Variants in SYNE2 observed in about 807,000 individuals in gnomAD.
SYNE2 encodes the protein spectrin repeat containing nuclear envelope protein 2.
SYNE2 carries 431 observed loss-of-function variants against 856.3 expected under a neutral mutation model. The ratio of observed to expected loss-of-function variants is 0.50; its 90% CI spans 0.47 to 0.55. SYNE2 has a LOEUF of 0.55. SYNE2 is among the 20% of genes least tolerant of loss of function. SYNE2 has a pLI of 0.00. For synonymous variants in SYNE2, 2,923 were observed against 2,872.3 expected, an observed-to-expected ratio of 1.02 and a Z score of -0.56; for missense variants, 8,129 against 8,023.2, an observed-to-expected ratio of 1.01 and a Z score of -0.50.
intron 1 of SYNE2, among the ~76,000 whole-genome samples, chr14:63,817,342 C>A (rs1376799421): frequency 2.0e-5 from 3 of 151,996 alleles, no homozygotes; most frequent in Non-Finnish European, 4.4e-5. Flanking sequence ...TGGCATGTGC[C>A]TGTAGTCCTG....
chr14:64,163,500 GCTC>G lies in SYNE2; in HGVS notation c.16403_16405del (p.Leu5468del), dbSNP rs755998480. On this transcript the variant is annotated inframe_deletion, in exon 89 of 116. Coordinates refer to ENST00000555002, the MANE Select transcript of SYNE2 (RefSeq NM_182914.3). The stretch of plus-strand genomic sequence containing the variant: ...AACCCGCAGAGTCCAGCACCCACAT[GCTC>G]CTCCCGGGCCCCCTGCACTCTCTCC... 4 of 1,614,160 alleles carry G rather than the reference GCTC, an allele frequency of 2.5e-6. No individual in the cohort carries two copies. The Admixed American group carries it at 6.7e-5, about 27-fold the overall frequency.
intron 1 of SYNE2, among the ~76,000 whole-genome samples, chr14:63,797,443 A>G (rs1204611861): frequency 2.0e-5 from 3 of 151,944 alleles, no homozygotes; most frequent in Non-Finnish European, 4.4e-5. Context: ...CTACTTAACC[A>G]TTTGATGTTG....
At chr14:63,932,796 C>T (rs188249249) in intron 2 of SYNE2, among the ~76,000 whole-genome samples, 3 of 152,280 alleles carry the variant, frequency 2.0e-5, no homozygotes, top group African/African-American at 7.2e-5. Context: ...TGGGTGCCGG[C>T]GTTTCTATGA....
chr14:63,886,891 A>T (rs2094999332), intron 1 of SYNE2, among the ~76,000 whole-genome samples: 1 of 152,096 alleles, frequency 6.6e-6, no homozygotes, highest in Non-Finnish European at 1.5e-5. Context: ...AACTCCTGGC[A>T]CCAAGTGATC....
At chr14:64,154,514 C>T (rs1488382407) in intron 85 of SYNE2, among the ~76,000 whole-genome samples, 1 of 151,946 alleles carries the variant, frequency 6.6e-6, no homozygotes, top group Non-Finnish European at 1.5e-5. Context: ...GGATACAAGC[C>T]AGGCTCAGTG....
chr14:64,129,103 T>C (rs1261555838), intron 74 of SYNE2, among the ~76,000 whole-genome samples: 1 of 152,082 alleles, frequency 6.6e-6, no homozygotes, highest in Non-Finnish European at 1.5e-5. Flanking sequence ...AAGCCAGGAA[T>C]TTAAGACCAG....
intron 66 of SYNE2, 141 bp downstream of exon 66, chr14:64,113,712 T>A (rs1440900786): frequency 2.8e-5 from 26 of 920,374 alleles, no homozygotes; most frequent in Non-Finnish European, 4.2e-5. Context: ...CTTTTAGTTC[T>A]CAGGGTAATT....
chr14:64,040,771 G>A (rs2153561869), intron 45 of SYNE2, among the ~76,000 whole-genome samples: 1 of 151,162 alleles, frequency 6.6e-6, no homozygotes, highest in South Asian at 2.1e-4. Context: ...TTTCTGATAA[G>A]AGCTTTAGGA....
intron 11 of SYNE2, among the ~76,000 whole-genome samples, chr14:63,970,654 T>TTTTTTTTTTTTTTTTTTTTTTTTTC: frequency 1.4e-5 from 1 of 70,780 alleles, no homozygotes; most frequent in Non-Finnish European, 3.1e-5. Flanking sequence ...CTTTTTTCTT[T>TTTTTTTTTTTTTTTTTTTTTTTTTC]TTTTTTTTTT....
At chr14:63,950,775 G>C (rs2096140777) in intron 7 of SYNE2, among the ~76,000 whole-genome samples, 1 of 151,990 alleles carries the variant, frequency 6.6e-6, no homozygotes, top group African/African-American at 2.4e-5. Flanking sequence ...TTCCACCTTA[G>C]CCTCCTGAGT....
At chr14:63,866,260 G>T (rs1566651142) in intron 1 of SYNE2, among the ~76,000 whole-genome samples, 1 of 152,218 alleles carries the variant, frequency 6.6e-6, no homozygotes, top group Non-Finnish European at 1.5e-5. Context: ...TGAGATGTCA[G>T]ACTACTAAAA....
At chr14:63,982,535 A>G in intron 16 of SYNE2, 95 bp from the exon 17 acceptor site, 3 of 1,031,270 alleles carry the variant, frequency 2.9e-6, no homozygotes, top group Non-Finnish European at 2.7e-6. Flanking sequence ...AAAAAAAAAA[A>G]AAGAAAAGAA....
At chr14:63,786,526 T>G (rs1887533663) in intron 1 of SYNE2, among the ~76,000 whole-genome samples, 1 of 152,258 alleles carries the variant, frequency 6.6e-6, no homozygotes. Context: ...CTGCCATGTC[T>G]TTAAACAACA....
At chr14:64,194,242 G>A (rs1294444754) in intron 99 of SYNE2, among the ~76,000 whole-genome samples, 2 of 152,052 alleles carry the variant, frequency 1.3e-5, no homozygotes, top group Non-Finnish European at 2.9e-5. Flanking sequence ...TCAAATTAAA[G>A]GAAGAGTTAA....
In SYNE2 at chr14:64,020,312, C is replaced by T. The variant is rs146291254; in HGVS notation, c.5151+219C>T. Among the ~76,000 whole-genome samples the T allele has an allele frequency of 4.4e-3, 666 of 152,218 alleles. 2 individuals are homozygous for T. Among genetic ancestry groups the T allele is most frequent in the African/African-American group, 0.015 (640 of 41,536 alleles). On this transcript the variant is annotated intron_variant, in intron 35 of 115. Coordinates refer to ENST00000555002, the MANE Select transcript of SYNE2 (RefSeq NM_182914.3). Reference sequence around the variant, plus strand: ...TTGGGCCACACATGAAATACACTAACAATAGCAAAAAAATTTCATAATGTT... The same window carrying T: ...TTGGGCCACACATGAAATACACTAATAATAGCAAAAAAATTTCATAATGTT...
chr14:64,163,339 G>A (rs1230405408), intron 88 of SYNE2, 63 bp from the exon 89 acceptor site: 3 of 1,579,090 alleles, frequency 1.9e-6, no homozygotes, highest in Non-Finnish European at 2.6e-6. Context: ...TGGAGCAGCA[G>A]CGGGTAGGGA....
At chr14:63,955,023 T>C in intron 8 of SYNE2, 108 bp downstream of exon 8, 1 of 921,590 alleles carries the variant, frequency 1.1e-6, no homozygotes. Flanking sequence ...ATTTTAGTCC[T>C]GGAGGGTTTA....
rs1005511124 is a variant in SYNE2, at chr14:63,846,096, C to G, written c.-304-6405C>G. 2.1e-5 allele frequency among the ~76,000 whole-genome samples: 3 copies of G among 143,550 alleles called. No homozygotes were observed. The South Asian group carries it at 6.6e-4, about 32-fold the overall frequency. The allele number at this position is 143,550 out of a possible 152,430, so 94.2% of individuals were successfully genotyped here. Reference sequence around the variant, plus strand: ...CAAGGTTCTGGCTCTGTTGCCCAGGCTGGAGTGCAGTGGTGCTATTATGGC... The same window carrying G: ...CAAGGTTCTGGCTCTGTTGCCCAGGGTGGAGTGCAGTGGTGCTATTATGGC... On this transcript the variant is annotated intron_variant, in intron 1 of 23. Coordinates refer to the SYNE2 transcript ENST00000674003.
At chr14:64,178,521 A>G (rs2098444424) in intron 96 of SYNE2, among the ~76,000 whole-genome samples, 1 of 152,192 alleles carries the variant, frequency 6.6e-6, no homozygotes. Flanking sequence ...GCAGTGGCAC[A>G]GTCTCAGCTC....
Sources: gnomAD v4.1 joint callset for allele counts (sites outside exome capture counted in the v4.1 genomes callset) on GRCh38, gnomAD v4.1.1 for gene constraint, MANE v1.5 for transcripts, NCBI Gene and HGNC (gene_info 2026-07-23, HGNC 2026-07-21) for gene names.